The following SMYD3 variants were observed in gnomAD, a reference collection of about 807,000 sequenced individuals.
The protein encoded by SMYD3 is histone-lysine N-methyltransferase SMYD3.
SMYD3 carries 36 observed loss-of-function variants against 57.7 expected under a neutral mutation model. The ratio of observed to expected loss-of-function variants is 0.62; its 90% CI spans 0.48 to 0.82. SMYD3 has a LOEUF of 0.82. Among genes scored for constraint, SMYD3 ranks in the 40% least tolerant of loss-of-function variants. The pLI, the probability that SMYD3 is intolerant of heterozygous loss-of-function variation, is 0.00. For missense variants in SMYD3, 515 were observed against 538.8 expected (o/e 0.96, Z 0.44); for synonymous variants, 211 against 195.0 (o/e 1.08, Z -0.68).
chr1:245,777,307 T>C (rs1367592487), intron 10 of SMYD3, among the ~76,000 whole-genome samples: 1 of 152,224 alleles, frequency 6.6e-6, no homozygotes, highest in African/African-American at 2.4e-5. Flanking sequence ...TAGTAGTTCT[T>C]GTCCATAGAA....
At chr1:245,948,800 C>T (rs2057512889) in intron 5 of SMYD3, among the ~76,000 whole-genome samples, 1 of 152,170 alleles carries the variant, frequency 6.6e-6, no homozygotes, top group Non-Finnish European at 1.5e-5. Flanking sequence ...TACAAGTACC[C>T]TAGGACAGGT....
At chr1:245,887,906 C>G (rs529297781) in intron 8 of SMYD3, among the ~76,000 whole-genome samples, 31 of 152,024 alleles carry the variant, frequency 2.0e-4, no homozygotes, top group Non-Finnish European at 4.0e-4. Context: ...GAGATTCAAG[C>G]AGGTTTGCTG....
At chr1:246,437,998 T>C (rs748776041) in intron 1 of SMYD3, among the ~76,000 whole-genome samples, 19 of 152,196 alleles carry the variant, frequency 1.2e-4, no homozygotes, top group Non-Finnish European at 2.2e-4. Flanking sequence ...TTTTACAAAA[T>C]ATTTTCTCAA....
At chr1:246,042,477 C>T (rs114223512) in intron 5 of SMYD3, among the ~76,000 whole-genome samples, 2,612 of 152,280 alleles carry the variant, frequency 0.017, 75 homozygotes, top group African/African-American at 0.06. Context: ...CTCCAAGCCA[C>T]GGAGCACTCA....
intron 1 of SMYD3, among the ~76,000 whole-genome samples, chr1:246,473,562 T>C (rs989358566): frequency 1.3e-5 from 2 of 152,240 alleles, no homozygotes; most frequent in East Asian, 1.9e-4. Flanking sequence ...ATAGGCCTTG[T>C]TGGGTTTCAA....
At chr1:246,058,387 T>C (rs1203698196) in intron 5 of SMYD3, among the ~76,000 whole-genome samples, 1 of 152,176 alleles carries the variant, frequency 6.6e-6, no homozygotes, top group Non-Finnish European at 1.5e-5. Flanking sequence ...AATTATGCTG[T>C]GAACCTAAAT....
chr1:246,186,751 C>G, intron 5 of SMYD3: 3 of 985,332 alleles, frequency 3.0e-6, no homozygotes, highest in Non-Finnish European at 3.6e-6. Context: ...ACAATAATCC[C>G]ACCAGGGCAA....
chr1:245,852,345 C>T (rs1488459095), intron 10 of SMYD3, among the ~76,000 whole-genome samples: 2 of 152,158 alleles, frequency 1.3e-5, no homozygotes, highest in Non-Finnish European at 2.9e-5. Flanking sequence ...GTGCTGGAAC[C>T]ACTCCACAAA....
chr1:246,119,552 AC>A (rs1469731610), intron 5 of SMYD3, among the ~76,000 whole-genome samples: 2 of 151,804 alleles, frequency 1.3e-5, no homozygotes, highest in African/African-American at 4.8e-5. Flanking sequence ...AGCTGAGACT[AC>A]AGGCATATGC....
intron 5 of SMYD3, among the ~76,000 whole-genome samples, chr1:245,987,863 C>T (rs2058733534): frequency 6.6e-6 from 1 of 152,132 alleles, no homozygotes; most frequent in South Asian, 2.1e-4. Context: ...CAGGAGTCCT[C>T]CAAACCTGTT....
At chr1:246,272,379 T>C (rs1296209999) in intron 5 of SMYD3, among the ~76,000 whole-genome samples, 1 of 152,220 alleles carries the variant, frequency 6.6e-6, no homozygotes, top group Non-Finnish European at 1.5e-5. Flanking sequence ...GGAAAAGCTT[T>C]TGGTCTTTCA....
intron 5 of SMYD3, among the ~76,000 whole-genome samples, chr1:246,159,367 GA>G (rs2062076844): frequency 6.6e-6 from 1 of 152,116 alleles, no homozygotes. Flanking sequence ...TTCCAGTGAT[GA>G]AGAATGGGGA....
intron 1 of SMYD3, among the ~76,000 whole-genome samples, chr1:246,443,586 G>A (rs963189236): frequency 6.6e-6 from 1 of 152,176 alleles, no homozygotes; most frequent in Non-Finnish European, 1.5e-5. Flanking sequence ...AGCCAGTCTG[G>A]GGCAAGGGAG....
chr1:246,094,753 T>C (rs1487480786), intron 5 of SMYD3, among the ~76,000 whole-genome samples: 1 of 152,222 alleles, frequency 6.6e-6, no homozygotes. Flanking sequence ...ATACTTCATT[T>C]CTTCACGGCT....
At chr1:246,000,382 A>AG (rs896234251) in intron 5 of SMYD3, among the ~76,000 whole-genome samples, 16 of 152,190 alleles carry the variant, frequency 1.1e-4, no homozygotes, top group Non-Finnish European at 7.3e-5. Context: ...GGAACATGGA[A>AG]GAAAAAAAAA....
intron 5 of SMYD3, among the ~76,000 whole-genome samples, chr1:246,255,770 G>A (rs963164225): frequency 3.6e-5 from 3 of 82,592 alleles, no homozygotes; most frequent in Non-Finnish European, 6.8e-5. Context: ...TTTGTCTGGG[G>A]CATTTTTTTT....
intron 5 of SMYD3, among the ~76,000 whole-genome samples, chr1:246,280,867 A>T (rs568710921): frequency 6.6e-6 from 1 of 152,360 alleles, no homozygotes; most frequent in East Asian, 1.9e-4. Flanking sequence ...CCACCTCAAA[A>T]ACAAAACGTG....
chr1:245,839,363 G>C lies in SMYD3; in HGVS notation c.1076+19133C>G, dbSNP rs373393019. 7.9e-5 allele frequency among the ~76,000 whole-genome samples: 12 copies of C among 151,988 alleles called. No individual in the cohort carries two copies. The East Asian group carries it at 2.1e-3, about 27-fold the overall frequency. On this transcript the variant is annotated intron_variant, in intron 10 of 11. Transcript: ENST00000490107. ...TTTTTGTATTTTTAGTAGAGACGGG[G>C]TTTCACCGTGTTAGCCAGGATGGTC...
rs76641214 is a variant in SMYD3 at position 246,503,500 on chromosome 1, G to A, written c.164+3554C>T. Among the ~76,000 whole-genome samples the A allele has an allele frequency of 7.6e-4, 115 of 152,242 alleles. 3 individuals are homozygous for A. The East Asian group carries it at 0.017, about 23-fold the overall frequency. ...GGATATAAAAAAGATTAGACTTAGA[G>A]CACTACACTAGGGAGTGAGAAGGTT... On this transcript the variant is annotated intron_variant, in intron 1 of 11. Coordinates refer to ENST00000490107, the MANE Select transcript of SMYD3 (RefSeq NM_001167740.2).
Sources: allele counts gnomAD v4.1 joint callset (sites outside exome capture counted in the v4.1 genomes callset), GRCh38; gene constraint gnomAD v4.1.1; transcripts MANE v1.5; gene names NCBI Gene and HGNC (gene_info 2026-07-23, HGNC 2026-07-21).